SLMAP: variants seen among roughly 807,000 people sequenced by gnomAD.
The protein encoded by SLMAP is sarcolemmal membrane-associated protein.
A neutral mutation model predicts 128.8 loss-of-function variants in SLMAP; 44 were observed. That is an observed-to-expected ratio of 0.34 (90% confidence interval 0.27 to 0.44). The LOEUF is 0.44. Ranked by LOEUF, SLMAP falls within the 20% of genes least tolerant of loss-of-function variation. SLMAP has a pLI of 1.00. For synonymous variants in SLMAP, 327 were observed against 348.8 expected (o/e 0.94, Z 0.70); for missense variants, 787 against 985.3 (o/e 0.80, Z 2.69).
At chr3:57,926,436 A>G (rs1266558224) in intron 24 of SLMAP, 1 of 154,680 alleles carries the variant, frequency 6.5e-6, no homozygotes, top group African/African-American at 2.4e-5. Context: ...TGAGATTAAC[A>G]TAATGAACCA....
intron 14 of SLMAP, among the ~76,000 whole-genome samples, chr3:57,886,895 A>G (rs772607069): frequency 2.2e-4 from 34 of 152,102 alleles, no homozygotes; most frequent in Non-Finnish European, 4.0e-4. Context: ...TAGAGATAGC[A>G]AGCAGATGTG....
At chr3:57,811,486 C>T (rs566623364) in intron 2 of SLMAP, among the ~76,000 whole-genome samples, 2 of 152,208 alleles carry the variant, frequency 1.3e-5, no homozygotes, top group African/African-American at 4.8e-5. Context: ...TTTGCTTATC[C>T]ATTCATCTAT....
chr3:57,846,661 A>T (rs1217630990), intron 4 of SLMAP, among the ~76,000 whole-genome samples: 1 of 150,112 alleles, frequency 6.7e-6, no homozygotes, highest in East Asian at 2.0e-4. Context: ...AGTTCAAGCG[A>T]TTCTTATGCT....
rs913613155 is a variant in SLMAP, at chr3:57,757,620, C to T, written c.-32C>T. ...GATCCGGAGGAACTCCTCTTTGTCC[C>T]TGGTAGGAGAGACACCCCCAGTCTA... On this transcript the variant is annotated 5_prime_UTR_variant, in exon 2 of 25. Transcript: ENST00000671191. The T allele has an allele frequency of 5.6e-6, 9 of 1,609,840 alleles. No homozygotes were observed. The highest frequency in any genetic ancestry group is 1.3e-5 in the African/African-American group (1 of 74,824).
At chr3:57,785,730 T>C (rs916542811) in intron 2 of SLMAP, among the ~76,000 whole-genome samples, 2 of 152,196 alleles carry the variant, frequency 1.3e-5, no homozygotes, top group Admixed American at 1.3e-4. Flanking sequence ...CCTAAAGTGG[T>C]ATTATTGAGG....
intron 13 of SLMAP, among the ~76,000 whole-genome samples, chr3:57,869,044 T>A (rs1178196649): frequency 7.2e-6 from 1 of 139,826 alleles, no homozygotes; most frequent in African/African-American, 2.6e-5. Flanking sequence ...ATAATATATA[T>A]TATATATATT....
intron 14 of SLMAP, among the ~76,000 whole-genome samples, chr3:57,876,363 C>A (rs2095603874): frequency 6.6e-6 from 1 of 152,148 alleles, no homozygotes; most frequent in East Asian, 1.9e-4. Context: ...AGAAAAACTT[C>A]TCTTTTCTAA....
chr3:57,779,464 G>A (rs1381566338), intron 2 of SLMAP, among the ~76,000 whole-genome samples: 16 of 146,428 alleles, frequency 1.1e-4, no homozygotes, highest in South Asian at 4.3e-4. Flanking sequence ...AATTGAGATC[G>A]CTGCACTACA....
intron 19 of SLMAP, among the ~76,000 whole-genome samples, chr3:57,911,201 A>G (rs2096686035): frequency 6.6e-6 from 1 of 152,102 alleles, no homozygotes; most frequent in Non-Finnish European, 1.5e-5. Flanking sequence ...CCCTGGTGCC[A>G]GCATGTGTAT....
intron 5 of SLMAP, among the ~76,000 whole-genome samples, chr3:57,848,410 CCTTCTTT>C (rs1240595182): frequency 3.3e-5 from 5 of 149,988 alleles, no homozygotes; most frequent in Admixed American, 1.4e-4. Context: ...CTTCTTTCTT[CCTTCTTT>C]CTTCTTCCTT....
intron 2 of SLMAP, among the ~76,000 whole-genome samples, chr3:57,760,180 T>A (rs1229761893): frequency 6.6e-6 from 1 of 152,172 alleles, no homozygotes; most frequent in Non-Finnish European, 1.5e-5. Context: ...CCTCAAGTGA[T>A]CCACCCTCCT....
chr3:57,825,858 G>A (rs2092889920), intron 2 of SLMAP, among the ~76,000 whole-genome samples: 2 of 152,092 alleles, frequency 1.3e-5, no homozygotes, highest in African/African-American at 2.4e-5. Context: ...ATGCCACAAA[G>A]CTTTCCTATA....
chr3:57,865,724 T>C (rs1054954517), intron 13 of SLMAP, among the ~76,000 whole-genome samples: 3 of 152,220 alleles, frequency 2.0e-5, no homozygotes, highest in African/African-American at 4.8e-5. Flanking sequence ...ATCTGTTTCA[T>C]TGATCAGAGA....
intron 8 of SLMAP, among the ~76,000 whole-genome samples, chr3:57,859,586 A>G (rs1328216631): frequency 2.0e-5 from 3 of 152,110 alleles, no homozygotes; most frequent in Non-Finnish European, 4.4e-5. Flanking sequence ...AACAATGGCC[A>G]TTGTTTTTTG....
At chr3:57,779,508 C>CAAAAAAAAAAAAAAAAAAAAAAAAAA in intron 2 of SLMAP, among the ~76,000 whole-genome samples, 1 of 79,804 alleles carries the variant, frequency 1.3e-5, no homozygotes, top group Non-Finnish European at 2.5e-5. Flanking sequence ...GACCCTGTTT[C>CAAAAAAAAAAAAAAAAAAAAAAAAAA]AAAAAAAAAA....
At chr3:57,766,185 T>TTTTTC (rs2079678700) in intron 2 of SLMAP, among the ~76,000 whole-genome samples, 1 of 143,096 alleles carries the variant, frequency 7.0e-6, no homozygotes, top group Non-Finnish European at 1.5e-5. Flanking sequence ...TTTTTTTTTT[T>TTTTTC]TTTTGTATTT....
At chr3:57,786,293 A>G (rs1469415644) in intron 2 of SLMAP, among the ~76,000 whole-genome samples, 17 of 152,176 alleles carry the variant, frequency 1.1e-4, no homozygotes, top group Admixed American at 9.2e-4. Flanking sequence ...AGCAGCTCCT[A>G]TCTGGGACAT....
At chr3:57,770,501 A>G (rs2080628175) in intron 2 of SLMAP, among the ~76,000 whole-genome samples, 1 of 152,094 alleles carries the variant, frequency 6.6e-6, no homozygotes, top group Non-Finnish European at 1.5e-5. Flanking sequence ...AATTGGGGGG[A>G]AGAAAATAGA....
chr3:57,858,396 C>T (rs903569250), intron 8 of SLMAP, among the ~76,000 whole-genome samples: 4 of 152,126 alleles, frequency 2.6e-5, no homozygotes, highest in Admixed American at 2.6e-4. Context: ...AAAACTGGGT[C>T]ATTTGTCCTC....
Sources: gnomAD v4.1 joint callset for allele counts (sites outside exome capture counted in the v4.1 genomes callset) on GRCh38, gnomAD v4.1.1 for gene constraint, MANE v1.5 for transcripts, NCBI Gene and HGNC (gene_info 2026-07-23, HGNC 2026-07-21) for gene names.